Variants in PHIP observed in about 807,000 individuals in gnomAD.
The protein encoded by PHIP is PHIP subunit of CUL4-Ring ligase complex.
Under a neutral mutation model 236.8 loss-of-function variants are expected in PHIP, and 54 were observed. The observed-to-expected ratio is 0.23, with a 90% confidence interval of 0.18 to 0.29. The LOEUF is 0.29. Among genes scored for constraint, PHIP ranks in the 10% least tolerant of loss-of-function variants. The pLI is 1.00. For missense variants in PHIP, 1,370 were observed against 2,190.8 expected, an observed-to-expected ratio of 0.63 and a Z score of 7.48; for synonymous variants, 756 against 718.9, an observed-to-expected ratio of 1.05 and a Z score of -0.83.
chr6:78,957,110 C>CT (rs1418422731), intron 32 of PHIP: 1 of 151,954 alleles, frequency 6.6e-6, no homozygotes, highest in African/African-American at 2.4e-5. Context: ...AATACAAATG[C>CT]TTTAAGTATT....
At chr6:79,009,875 TAA>T (rs565453263) in intron 15 of PHIP, among the ~76,000 whole-genome samples, 5,594 of 150,996 alleles carry the variant, frequency 0.037, 102 homozygotes, top group Middle Eastern at 0.058. Flanking sequence ...TATATATATA[TAA>T]GAGAGATATA....
Position 79,060,804 on chromosome 6 carries a change from T to C in PHIP, c.204A>G (p.Arg68=). 6.2e-7 allele frequency: 1 copy of C among 1,603,098 alleles called. No individual in the cohort carries two copies. The stretch of plus-strand genomic sequence containing the variant: ...GCAGCAAGTGATCAGGTGCTAAGTG[T>C]CTGTAATACTTCACCTATTATGTAA... ...RTYQNLVKYY[R]HLAPDHLLQI... Residue 68 remains arginine, a synonymous_variant, in exon 5 of 40, where the codon AGA becomes AGG. Transcript: ENST00000275034.
intron 24 of PHIP, among the ~76,000 whole-genome samples, chr6:78,972,603 C>G (rs1323491149): frequency 6.6e-6 from 1 of 151,986 alleles, no homozygotes; most frequent in East Asian, 1.9e-4. Context: ...ACATTCAAAC[C>G]AAAGGCAAAG....
rs1239836987 is a variant in PHIP at position 78,935,673 on chromosome 6, T to C, written c.*5020A>G. The C allele has an allele frequency of 1.0e-6, 1 of 984,336 alleles. No individual in the cohort carries two copies. The highest frequency in any genetic ancestry group is 1.1e-4 in the East Asian group (1 of 8,820). The allele number at this position is 984,336 out of a possible 1,614,324, so 61.0% of individuals were successfully genotyped here. Reference sequence around the variant, plus strand: ...ATTAAATTACATTTCGGCACCCAAATATCTTTTAACTGACAGTTTTCACAC... The same window carrying C: ...ATTAAATTACATTTCGGCACCCAAACATCTTTTAACTGACAGTTTTCACAC... On this transcript the variant is annotated 3_prime_UTR_variant, in exon 40 of 40. Transcript: ENST00000275034.
intron 7 of PHIP, among the ~76,000 whole-genome samples, chr6:79,033,886 A>C (rs1262766800): frequency 6.6e-6 from 1 of 152,200 alleles, no homozygotes; most frequent in Non-Finnish European, 1.5e-5. Context: ...TTGAACACTA[A>C]GAGGCCATTG....
rs779411112 is a variant in PHIP, at chr6:79,077,926, G to A, written c.41-13C>T. The A allele has an allele frequency of 2.5e-6, 4 of 1,593,844 alleles. No individual in the cohort carries two copies. The highest frequency in any genetic ancestry group is 3.4e-5 in the Admixed American group (2 of 58,104). On this transcript the variant is annotated splice_polypyrimidine_tract_variant and intron_variant, in intron 1 of 39. Transcript: ENST00000275034. ...AGGAAGTAGAGCTCTGCGCGGGAGA[G>A]AGGGACGGGGAGACACACAGGCTGA...
At chr6:78,966,165 G>A in intron 27 of PHIP, 109 bp from the exon 28 acceptor site, 2 of 671,370 alleles carry the variant, frequency 3.0e-6, no homozygotes, top group Admixed American at 2.4e-5. Context: ...GATTTCAGAA[G>A]ACAAAAAGTG....
In PHIP at chr6:79,078,131, T is replaced by TGCCGCC; in HGVS notation, c.-69_-64dup. The TGCCGCC allele has an allele frequency of 6.6e-7, 1 of 1,513,902 alleles. No homozygotes were observed. The highest frequency in any genetic ancestry group is 1.1e-5 in the South Asian group (1 of 87,638). The allele number at this position is 1,513,902 out of a possible 1,614,324, so 93.8% of individuals were successfully genotyped here. A position where few individuals can be genotyped will look rare whatever the true frequency, so the allele number is the denominator to read the frequency against. Reference sequence around the variant, plus strand: ...CGCCGCCGAGGGGAAGCGGGGACGGTGCCGCCGCCTGCCCTATAGCTGTCA... The same window carrying TGCCGCC: ...CGCCGCCGAGGGGAAGCGGGGACGGTGCCGCCGCCGCCGCCTGCCCTATAGCTGTCA... On this transcript the variant is annotated 5_prime_UTR_variant, in exon 1 of 40. Coordinates refer to ENST00000275034, the MANE Select transcript of PHIP (RefSeq NM_017934.7).
chr6:78,936,276 T>A lies in PHIP; in HGVS notation c.*4417A>T, dbSNP rs1562105861. 6.6e-6 allele frequency: 1 copy of A among 151,930 alleles called. No individual in the cohort carries two copies. The highest frequency in any genetic ancestry group is 1.5e-5 in the Non-Finnish European group (1 of 67,830). 9.4% of individuals were successfully genotyped at this position (151,930 alleles called of 1,614,324 possible). A position where few individuals can be genotyped will look rare whatever the true frequency, so the allele number is the denominator to read the frequency against. On this transcript the variant is annotated 3_prime_UTR_variant, in exon 40 of 40. Coordinates refer to ENST00000275034, the MANE Select transcript of PHIP (RefSeq NM_017934.7). ...TCAGTTTCAACTTTCACCCTCTAGG[T>A]CAGTTACTTTTTAAAAATTGAGCTA...
chr6:79,046,579 C>T (rs1278884097), intron 6 of PHIP, among the ~76,000 whole-genome samples: 1 of 152,006 alleles, frequency 6.6e-6, no homozygotes, highest in Non-Finnish European at 1.5e-5. Context: ...TACATATTAA[C>T]AAAAATAATT....
rs1157589708 is a variant in PHIP, at chr6:78,940,311, AT to A, written c.*381del. Reference sequence around the variant, plus strand: ...CAAAAATAATTCATTTTAACATGAAATGCTCTATCACTAGGAATATTATGCT... The same window carrying A: ...CAAAAATAATTCATTTTAACATGAAAGCTCTATCACTAGGAATATTATGCT... On this transcript the variant is annotated 3_prime_UTR_variant, in exon 40 of 40. Coordinates refer to ENST00000275034, the MANE Select transcript of PHIP (RefSeq NM_017934.7). 6.6e-6 allele frequency: 1 copy of A among 151,904 alleles called. No homozygotes were observed. Among genetic ancestry groups the A allele is most frequent in the Non-Finnish European group, 1.5e-5 (1 of 67,912 alleles). The allele number at this position is 151,904 out of a possible 1,614,324, so 9.4% of individuals were successfully genotyped here. A position where few individuals can be genotyped will look rare whatever the true frequency, so the allele number is the denominator to read the frequency against.
chr6:78,967,212 G>A (rs1018791578), intron 27 of PHIP, among the ~76,000 whole-genome samples: 9 of 152,158 alleles, frequency 5.9e-5, no homozygotes, highest in Admixed American at 5.9e-4. Flanking sequence ...GAAAATTGGA[G>A]CCAGGAGAAA....
chr6:79,037,030 T>G (rs1207636863), intron 7 of PHIP, among the ~76,000 whole-genome samples: 3 of 151,716 alleles, frequency 2.0e-5, no homozygotes, highest in Admixed American at 6.6e-5. Context: ...CCTATGTAAG[T>G]TGGGAAATCA....
chr6:78,983,046 G>C lies in PHIP; in HGVS notation c.2609C>G (p.Pro870Arg), dbSNP rs1426482018. 3.1e-6 allele frequency: 5 copies of C among 1,611,584 alleles called. No homozygotes were observed. Among genetic ancestry groups the C allele is most frequent in the Non-Finnish European group, 4.2e-6 (5 of 1,179,124 alleles). ...TTCTGCTTTCTTGGTTTTATTCTTA[G>C]GAACTTTCTTTGGTGGCTGCAGATT... Reference protein sequence around the residue: ...GINLQPPKKVPKNKTKKAESS... With the variant: ...GINLQPPKKVRKNKTKKAESS... The change falls in exon 23 of 40, where the codon CCT becomes CGT. Residue 870 changes from proline to arginine, a missense_variant. This residue lies in a region of PHIP where 76 missense variants were observed against 76.4 expected (regional missense o/e 0.99). Coordinates refer to ENST00000275034, the MANE Select transcript of PHIP (RefSeq NM_017934.7).
In PHIP at chr6:79,078,135, G is replaced by A. The variant is rs1774288015; in HGVS notation, c.-67C>T. On this transcript the variant is annotated 5_prime_UTR_variant, in exon 1 of 40. Transcript: ENST00000275034. Reference sequence around the variant, plus strand: ...GCCGAGGGGAAGCGGGGACGGTGCCGCCGCCTGCCCTATAGCTGTCAGTGT... The same window carrying A: ...GCCGAGGGGAAGCGGGGACGGTGCCACCGCCTGCCCTATAGCTGTCAGTGT... 3.0e-5 allele frequency: 45 copies of A among 1,515,288 alleles called. No individual in the cohort carries two copies. The highest frequency in any genetic ancestry group is 3.7e-5 in the Non-Finnish European group (41 of 1,100,606). 93.9% of individuals were successfully genotyped at this position (1,515,288 alleles called of 1,614,324 possible). A position where few individuals can be genotyped will look rare whatever the true frequency, so the allele number is the denominator to read the frequency against.
chr6:78,988,335 C>T lies in PHIP; in HGVS notation c.2334G>A (p.Glu778=), dbSNP rs1418962996. 1 of 1,594,852 alleles carries T rather than the reference C, an allele frequency of 6.3e-7. No individual in the cohort carries two copies. Among genetic ancestry groups the T allele is most frequent in the South Asian group, 1.1e-5 (1 of 87,342 alleles). ...TGGATTCTCCAAGATCCAGGAAATG[C>T]TCATGAGCATGATTCTAGAAAAAAA... ...IPTVSKNHAH[E]HFLDLGESKK... Residue 778 remains glutamate, a synonymous_variant, in exon 21 of 40, where the codon GAG becomes GAA. Transcript: ENST00000275034.
chr6:79,017,494 C>T lies in PHIP; in HGVS notation c.1084G>A (p.Glu362Lys), dbSNP rs749636308. The change falls in exon 11 of 40, where the codon GAG becomes AAG. Residue 362 changes from glutamate (E) to lysine (K), a missense_variant. By Grantham distance (56) the Glu-to-Lys change is moderately conservative. Around this residue, in one of 14 missense-constraint regions of PHIP, gnomAD observed 188 missense variants for 354.3 expected, o/e 0.53. Transcript: ENST00000275034. ...TCACCAATACTTACAGTATGAAACTCCAATTCTGATATTTTCTCTGGCTGA... is the reference window on the plus strand; with the variant it reads ...TCACCAATACTTACAGTATGAAACTTCAATTCTGATATTTTCTCTGGCTGA... Reference protein sequence around the residue: ...SGQPEKISELEFHTDKVDSIQ... With the variant: ...SGQPEKISELKFHTDKVDSIQ... 1 of 1,608,690 alleles carries T rather than the reference C, an allele frequency of 6.2e-7. No individual in the cohort carries two copies. The highest frequency in any genetic ancestry group is 1.1e-5 in the South Asian group (1 of 90,900).
rs145746795 is a variant in PHIP, at chr6:78,955,724, GATA to G, written c.3783-45_3783-43del. ...TGTTAACATGTAAGATTAGAACCAT[GATA>G]ATTTTTTTCCTTAAAAATTTGTTCG... On this transcript the variant is annotated intron_variant, in intron 32 of 39. Transcript: ENST00000275034. The G allele has an allele frequency of 6.5e-3, 4,442 of 683,600 alleles. 143 individuals carry two copies. In the African/African-American group the frequency reaches 0.07, roughly 11 times the overall value. 42.3% of individuals were successfully genotyped at this position (683,600 alleles called of 1,614,324 possible). A position where few individuals can be genotyped will look rare whatever the true frequency, so the allele number is the denominator to read the frequency against.
rs549020329 is a variant in PHIP at position 78,940,987 on chromosome 6, T to C, written c.5172A>G (p.Lys1724=). 6 of 1,614,024 alleles carry C rather than the reference T, an allele frequency of 3.7e-6. No individual in the cohort carries two copies. The South Asian group carries it at 6.6e-5, about 18-fold the overall frequency. The part of the protein sequence containing the change: ...RKPKRKMKTQ[K]LDADLLVPAS... ...CAGGGACTAGGAGATCTGCATCTAA[T>C]TTTTGTGTCTTCATCTTCCTTTTGG... The change falls in exon 40 of 40, where the codon AAA becomes AAG. Residue 1724 remains lysine, a synonymous_variant. Coordinates refer to ENST00000275034, the MANE Select transcript of PHIP (RefSeq NM_017934.7).
Sources: gnomAD v4.1 joint callset for allele counts (sites outside exome capture counted in the v4.1 genomes callset) on GRCh38, gnomAD v4.1.1 for gene constraint, gnomAD v4.1.1 regional missense constraint, MANE v1.5 for transcripts, NCBI Gene and HGNC (gene_info 2026-07-23, HGNC 2026-07-21) for gene names.